LYRM7: variants seen among roughly 807,000 people sequenced by gnomAD.
LYRM7 encodes LYR motif containing 7, also known as complex III assembly factor LYRM7.
Under a neutral mutation model 15.8 loss-of-function variants are expected in LYRM7, and 9 were observed. That is an observed-to-expected ratio of 0.57 (90% CI 0.34 to 0.99). The LOEUF (loss-of-function observed/expected upper bound fraction) is 0.99, where lower values mean the gene tolerates loss of function less well. LYRM7 is among the 50% of genes least tolerant of loss of function. The pLI is 0.02. For missense variants in LYRM7, 115 were observed against 119.1 expected, an observed-to-expected ratio of 0.97 and a Z score of 0.16; for synonymous variants, 39 against 39.4, an observed-to-expected ratio of 0.99 and a Z score of 0.04.
At chr5:131,176,903 T>G (rs1755611528) in intron 1 of LYRM7, among the ~76,000 whole-genome samples, 1 of 152,196 alleles carries the variant, frequency 6.6e-6, no homozygotes, top group Non-Finnish European at 1.5e-5. Flanking sequence ...TCTTTTTTAG[T>G]ATTCTATGAT....
intron 1 of LYRM7, among the ~76,000 whole-genome samples, chr5:131,179,455 CTTTTTTT>C (rs1276304946): frequency 4.2e-5 from 4 of 95,358 alleles, no homozygotes; most frequent in African/African-American, 1.7e-4. Context: ...TTTTTCTTTT[CTTTTTTT>C]TTTTTTTTTT....
Position 131,199,639 on chromosome 5 carries a change from T to A in LYRM7, c.*38T>A. 6.8e-7 allele frequency: 1 copy of A among 1,460,070 alleles called. No homozygotes were observed. Among genetic ancestry groups the A allele is most frequent in the Non-Finnish European group, 9.4e-7 (1 of 1,067,106 alleles). 90.4% of individuals were successfully genotyped at this position (1,460,070 alleles called of 1,614,324 possible). ...ACAACAAGTCTTTGTACTTTTTAAC[T>A]TTAAAATCTACAACTCTGGCAAAAG... On this transcript the variant is annotated 3_prime_UTR_variant, in exon 5 of 5. Coordinates refer to ENST00000379380, the MANE Select transcript of LYRM7 (RefSeq NM_181705.4).
intron 1 of LYRM7, among the ~76,000 whole-genome samples, chr5:131,178,670 G>A (rs1259896109): frequency 2.6e-5 from 4 of 151,844 alleles, no homozygotes; most frequent in Non-Finnish European, 1.5e-5. Flanking sequence ...TTATGAAATA[G>A]CAATTAAAAG....
intron 2 of LYRM7, 40 bp downstream of exon 2, chr5:131,180,207 TTAGATAACTA>T: frequency 7.2e-7 from 1 of 1,389,994 alleles, no homozygotes; most frequent in Non-Finnish European, 1.0e-6. Flanking sequence ...AGTCTACTTT[TTAGATAACTA>T]CTAATCTCTC....
chr5:131,181,419 AT>A (rs1369439302), intron 2 of LYRM7, among the ~76,000 whole-genome samples: 1 of 118,868 alleles, frequency 8.4e-6, no homozygotes, highest in Non-Finnish European at 1.6e-5. Flanking sequence ...ATATATGTTT[AT>A]ATATATATAA....
At chr5:131,172,463 G>A (rs548372537) in intron 1 of LYRM7, among the ~76,000 whole-genome samples, 1 of 152,228 alleles carries the variant, frequency 6.6e-6, no homozygotes, top group South Asian at 2.1e-4. Context: ...CAGACCTGAC[G>A]TTTGATTAGA....
intron 2 of LYRM7, among the ~76,000 whole-genome samples, chr5:131,181,456 C>T (rs1412568146): frequency 8.5e-6 from 1 of 118,010 alleles, no homozygotes; most frequent in Admixed American, 9.6e-5. Flanking sequence ...ATATATAAAA[C>T]ATATATATGT....
chr5:131,173,334 C>T (rs1355195330), intron 1 of LYRM7, among the ~76,000 whole-genome samples: 3 of 152,202 alleles, frequency 2.0e-5, no homozygotes, highest in Admixed American at 6.5e-5. Flanking sequence ...CCCACGGCGA[C>T]GAAGTGTATA....
In LYRM7 at chr5:131,205,381, G is replaced by A. The variant is rs1245761686; in HGVS notation, c.*5780G>A. 1.3e-5 allele frequency: 2 copies of A among 152,170 alleles called. No homozygotes were observed. Among genetic ancestry groups the A allele is most frequent in the African/African-American group, 4.8e-5 (2 of 41,438 alleles). The allele number at this position is 152,170 out of a possible 1,614,324, so 9.4% of individuals were successfully genotyped here. A position where few individuals can be genotyped will look rare whatever the true frequency, so the allele number is the denominator to read the frequency against. The stretch of plus-strand genomic sequence containing the variant: ...TTTGGCATGAATTCAGGTCTTTTAA[G>A]TTTTATTCCATTGTAAGAATAAACA... On this transcript the variant is annotated 3_prime_UTR_variant, in exon 5 of 5. Transcript: ENST00000379380.
chr5:131,178,961 CAAA>C (rs58612746), intron 1 of LYRM7, among the ~76,000 whole-genome samples: 59 of 62,936 alleles, frequency 9.4e-4, no homozygotes, highest in Non-Finnish European at 1.7e-3. Context: ...GACTCCGTCT[CAAA>C]AAAAAAAAAA....
chr5:131,182,773 T>C (rs1288100405), intron 3 of LYRM7, among the ~76,000 whole-genome samples: 2 of 152,200 alleles, frequency 1.3e-5, no homozygotes, highest in Non-Finnish European at 2.9e-5. Context: ...TTGCTCTAGT[T>C]GAAGACACTG....
intron 1 of LYRM7, among the ~76,000 whole-genome samples, chr5:131,178,037 A>G (rs1436245642): frequency 6.6e-6 from 1 of 152,074 alleles, no homozygotes; most frequent in African/African-American, 2.4e-5. Flanking sequence ...CTTTTCATTG[A>G]TGTTATTCCA....
chr5:131,199,150 A>G (rs1403005692), intron 4 of LYRM7, among the ~76,000 whole-genome samples: 6 of 152,238 alleles, frequency 3.9e-5, no homozygotes, highest in African/African-American at 1.4e-4. Flanking sequence ...GAATCTTTAA[A>G]TTAGGAGACC....
intron 4 of LYRM7, among the ~76,000 whole-genome samples, chr5:131,195,261 A>G (rs1755945113): frequency 6.6e-6 from 1 of 152,100 alleles, no homozygotes; most frequent in Non-Finnish European, 1.5e-5. Flanking sequence ...AGACAGAGCA[A>G]GGTTCTGTCT....
intron 1 of LYRM7, among the ~76,000 whole-genome samples, chr5:131,177,281 G>A (rs1032736975): frequency 6.6e-6 from 1 of 152,120 alleles, no homozygotes; most frequent in Non-Finnish European, 1.5e-5. Flanking sequence ...CTGCACAAAT[G>A]TTGACTAGCA....
intron 1 of LYRM7, among the ~76,000 whole-genome samples, chr5:131,177,098 A>G (rs1356645861): frequency 1.3e-5 from 2 of 152,176 alleles, no homozygotes; most frequent in Non-Finnish European, 2.9e-5. Flanking sequence ...TTAAATTAAT[A>G]ACTGCCTTTT....
rs926260636 is a variant in LYRM7, at chr5:131,203,833, A to C, written c.*4232A>C. 1.3e-5 allele frequency: 2 copies of C among 152,412 alleles called. No homozygotes were observed. Among genetic ancestry groups the C allele is most frequent in the Admixed American group, 6.5e-5 (1 of 15,288 alleles). 9.4% of individuals were successfully genotyped at this position (152,412 alleles called of 1,614,324 possible). A position where few individuals can be genotyped will look rare whatever the true frequency, so the allele number is the denominator to read the frequency against. ...ATTTGCCACCTATGTCATGATTGAAATAGTTAATTGATCCTGTGAATCAGT... is the reference window on the plus strand; with the variant it reads ...ATTTGCCACCTATGTCATGATTGAACTAGTTAATTGATCCTGTGAATCAGT... On this transcript the variant is annotated 3_prime_UTR_variant, in exon 5 of 5. Coordinates refer to ENST00000379380, the MANE Select transcript of LYRM7 (RefSeq NM_181705.4).
intron 4 of LYRM7, among the ~76,000 whole-genome samples, chr5:131,196,670 CTTT>C (rs753843316): frequency 6.9e-6 from 1 of 144,172 alleles, no homozygotes. Context: ...ATCTGTATTT[CTTT>C]TTTTTTTTTT....
chr5:131,184,647 G>GGGC (rs1429260002), intron 3 of LYRM7, among the ~76,000 whole-genome samples: 2 of 145,116 alleles, frequency 1.4e-5, no homozygotes, highest in Non-Finnish European at 3.0e-5. Context: ...TGGCGGGGGG[G>GGGC]GGGTTCCAGG....
Sources: gnomAD v4.1 joint callset for allele counts (sites outside exome capture counted in the v4.1 genomes callset) on GRCh38, gnomAD v4.1.1 for gene constraint, MANE v1.5 for transcripts, NCBI Gene and HGNC (gene_info 2026-07-23, HGNC 2026-07-21) for gene names.